LRIG1: variants seen among roughly 807,000 people sequenced by gnomAD.
The protein encoded by LRIG1 is leucine rich repeats and immunoglobulin like domains 1.
In LRIG1, 48 loss-of-function variants were observed where a neutral mutation model predicts 99.2. The observed-to-expected ratio is 0.48, with a 90% CI of 0.38 to 0.62. The LOEUF is 0.62. Among genes scored for constraint, LRIG1 ranks in the 20% least tolerant of loss-of-function variants. LRIG1 has a pLI of 0.00. For synonymous variants in LRIG1, 772 were observed against 596.1 expected (o/e 1.29, Z -4.30); for missense variants, 1,646 against 1,434.4 (o/e 1.15, Z -2.38).
chr3:66,490,921 C>T (rs945229141), intron 1 of LRIG1, among the ~76,000 whole-genome samples: 3 of 152,206 alleles, frequency 2.0e-5, no homozygotes, highest in Non-Finnish European at 4.4e-5. Flanking sequence ...CTAAATGAAG[C>T]TGCAGCTAGC....
intron 12 of LRIG1, among the ~76,000 whole-genome samples, chr3:66,392,841 G>A (rs1004580648): frequency 5.9e-5 from 9 of 152,154 alleles, no homozygotes; most frequent in East Asian, 1.9e-4. Context: ...ATGACAATGG[G>A]CCAATGAACA....
At chr3:66,489,204 T>C (rs11709533) in intron 1 of LRIG1, among the ~76,000 whole-genome samples, 117,179 of 152,094 alleles carry the variant, frequency 0.77, 52,032 homozygotes, top group Non-Finnish European at 0.99. Flanking sequence ...CTGCTTATGG[T>C]ATCCATCTGA....
rs1036052945 is a variant in LRIG1 at position 66,382,506 on chromosome 3, G to A, written c.2492-108C>T. On this transcript the variant is annotated intron_variant, in intron 15 of 18. Transcript: ENST00000273261. ...GGGATCCTCCCAGTGACGACCATCA[G>A]CGCTGTGCAGAGAGATGACATGGAG... is the stretch of plus-strand genomic sequence containing the variant. 3.1e-6 allele frequency: 4 copies of A among 1,287,152 alleles called. No individual in the cohort carries two copies. The African/African-American group carries it at 6.1e-5, about 19-fold the overall frequency. 79.7% of individuals were successfully genotyped at this position (1,287,152 alleles called of 1,614,324 possible).
At chr3:66,465,243 AT>A (rs1700446161) in intron 1 of LRIG1, among the ~76,000 whole-genome samples, 1 of 151,988 alleles carries the variant, frequency 6.6e-6, no homozygotes, top group South Asian at 2.1e-4. Context: ...CAATAGGTTT[AT>A]TGGGAAATAA....
intron 1 of LRIG1, among the ~76,000 whole-genome samples, chr3:66,478,401 G>T (rs1387687499): frequency 4.6e-5 from 7 of 152,154 alleles, no homozygotes; most frequent in Non-Finnish European, 1.0e-4. Flanking sequence ...CAGTGTCCTG[G>T]ATACTATCAA....
Position 66,454,427 on chromosome 3 carries a change from T to C in LRIG1, c.291-2794A>G, listed in dbSNP as rs528725873. 3.8e-4 allele frequency among the ~76,000 whole-genome samples: 58 copies of C among 152,230 alleles called. 1 individual carries two copies. Among genetic ancestry groups the C allele is most frequent in the African/African-American group, 1.4e-3 (58 of 41,550 alleles). On this transcript the variant is annotated intron_variant, in intron 2 of 18. Coordinates refer to ENST00000273261, the MANE Select transcript of LRIG1 (RefSeq NM_015541.3). ...AGCAGAGTCTCCATGAATAAAGAAA[T>C]TTTAGGAAGTAAAGATTGTGCCTGA...
At position 66,383,379 on chromosome 3, in the gene LRIG1, G is replaced by C; in HGVS notation, c.2094C>G (p.Pro698=). Residue 698 remains proline, a synonymous_variant, in exon 15 of 19, where the codon CCC becomes CCG. Coordinates refer to ENST00000273261, the MANE Select transcript of LRIG1 (RefSeq NM_015541.3). ...CCACAGATACCACACGGTCTTCCAA[G>C]GGGACCACCAAGGATGGGGTCTCTA... is the stretch of plus-strand genomic sequence containing the variant. The part of the protein sequence containing the change: ...TVLETPSLVV[P]LEDRVVSVGE... 1.3e-6 allele frequency: 2 copies of C among 1,564,966 alleles called. No homozygotes were observed. The highest frequency in any genetic ancestry group is 2.4e-5 in the South Asian group (2 of 83,192).
intron 1 of LRIG1, among the ~76,000 whole-genome samples, chr3:66,473,936 C>T (rs973616434): frequency 6.6e-6 from 1 of 152,160 alleles, no homozygotes; most frequent in Non-Finnish European, 1.5e-5. Flanking sequence ...TTTCTTTCTG[C>T]AGTACTAAGA....
At chr3:66,447,746 C>T (rs1274824846) in intron 3 of LRIG1, among the ~76,000 whole-genome samples, 1 of 152,204 alleles carries the variant, frequency 6.6e-6, no homozygotes, top group Non-Finnish European at 1.5e-5. Context: ...TCAACGATTT[C>T]CACTGTCACC....
Position 66,500,477 on chromosome 3 carries a change from G to A in LRIG1, c.-70C>T, listed in dbSNP as rs1158596830. ...GACCCGAACGGCCGCAGACGCGGGC[G>A]GGCCCGCGGGGCGCTCCGCTCGGCT... On this transcript the variant is annotated 5_prime_UTR_variant, in exon 1 of 19. Coordinates refer to ENST00000273261, the MANE Select transcript of LRIG1 (RefSeq NM_015541.3). 1.6e-5 allele frequency: 14 copies of A among 868,236 alleles called. No individual in the cohort carries two copies. Among genetic ancestry groups the A allele is most frequent in the Admixed American group, 8.7e-5 (2 of 23,020 alleles). The allele number at this position is 868,236 out of a possible 1,614,324, so 53.8% of individuals were successfully genotyped here. A position where few individuals can be genotyped will look rare whatever the true frequency, so the allele number is the denominator to read the frequency against.
At chr3:66,418,663 C>CA (rs1241603615) in intron 3 of LRIG1, among the ~76,000 whole-genome samples, 1 of 152,216 alleles carries the variant, frequency 6.6e-6, no homozygotes, top group Non-Finnish European at 1.5e-5. Context: ...TCTGGCCAAT[C>CA]AAAGCATTCT....
At chr3:66,413,295 C>T (rs918694080) in intron 5 of LRIG1, among the ~76,000 whole-genome samples, 6 of 152,172 alleles carry the variant, frequency 3.9e-5, no homozygotes, top group Admixed American at 1.3e-4. Flanking sequence ...GAAGAGAACG[C>T]GTGTGTGCTC....
intron 3 of LRIG1, among the ~76,000 whole-genome samples, chr3:66,424,350 G>A (rs2106721066): frequency 6.6e-6 from 1 of 152,066 alleles, no homozygotes; most frequent in Non-Finnish European, 1.5e-5. Flanking sequence ...CCCTCTCTAG[G>A]TCTCCCCCCC....
At chr3:66,408,914 G>GTGTGTGTGTGTGTGTC (rs1702367876) in intron 7 of LRIG1, among the ~76,000 whole-genome samples, 1 of 4,796 alleles carries the variant, frequency 2.1e-4, no homozygotes, top group East Asian at 3.7e-3. Flanking sequence ...CTCCAAGTCA[G>GTGTGTGTGTGTGTGTC]TGTGTGTGTG....
At chr3:66,452,978 T>C (rs1467497410) in intron 2 of LRIG1, among the ~76,000 whole-genome samples, 1 of 152,202 alleles carries the variant, frequency 6.6e-6, no homozygotes, top group Non-Finnish European at 1.5e-5. Flanking sequence ...TTAATTACTT[T>C]AACAGTCTCT....
At chr3:66,441,374 C>T (rs566198205) in intron 3 of LRIG1, among the ~76,000 whole-genome samples, 13 of 152,302 alleles carry the variant, frequency 8.5e-5, no homozygotes, top group African/African-American at 2.2e-4. Context: ...CAATCGAACA[C>T]GTTTGGGCTC....
At chr3:66,410,338 T>C (rs2106669266) in intron 6 of LRIG1, 66 bp from the exon 7 acceptor site, 1 of 1,488,722 alleles carries the variant, frequency 6.7e-7, no homozygotes, top group East Asian at 2.3e-5. Context: ...AGACAGCAAA[T>C]GAGCAGCCAC....
At chr3:66,420,452 A>T (rs1259986721) in intron 3 of LRIG1, among the ~76,000 whole-genome samples, 1 of 152,188 alleles carries the variant, frequency 6.6e-6, no homozygotes, top group Non-Finnish European at 1.5e-5. Context: ...TGATCCCACA[A>T]TTCCACTTCT....
In LRIG1 at chr3:66,399,047, G is replaced by A. The variant is rs1559777202; in HGVS notation, c.1161-6C>T. On this transcript the variant is annotated splice_region_variant and splice_polypyrimidine_tract_variant and intron_variant, in intron 9 of 18. Coordinates refer to ENST00000273261, the MANE Select transcript of LRIG1 (RefSeq NM_015541.3). Reference sequence around the variant, plus strand: ...TCTTGTTTCCAAACAGAGTCCTGTAGTTTCCAAACATCCAGAAATTAAGGC... The same window carrying A: ...TCTTGTTTCCAAACAGAGTCCTGTAATTTCCAAACATCCAGAAATTAAGGC... The A allele has an allele frequency of 6.2e-7, 1 of 1,612,974 alleles. No homozygotes were observed. The highest frequency in any genetic ancestry group is 2.2e-5 in the East Asian group (1 of 44,876).
Sources: gnomAD v4.1 joint callset for allele counts (sites outside exome capture counted in the v4.1 genomes callset) on GRCh38, gnomAD v4.1.1 for gene constraint, MANE v1.5 for transcripts, NCBI Gene and HGNC (gene_info 2026-07-23, HGNC 2026-07-21) for gene names.